The following CACNA2D1 variants were observed in gnomAD, a reference collection of about 807,000 sequenced individuals.
The protein encoded by CACNA2D1 is calcium voltage-gated channel auxiliary subunit alpha2delta 1.
In CACNA2D1, 53 loss-of-function variants were observed where a neutral mutation model predicts 171.5. The observed-to-expected ratio is 0.31, with a 90% CI of 0.25 to 0.39. The LOEUF (loss-of-function observed/expected upper bound fraction) is 0.39, where lower values mean the gene tolerates loss of function less well. Among genes scored for constraint, CACNA2D1 ranks in the 10% least tolerant of loss-of-function variants. The probability of loss-of-function intolerance (pLI) is 1.00; values close to 1 mark genes in which losing one functional copy is unlikely to be tolerated. For synonymous variants in CACNA2D1, 442 were observed against 443.1 expected (o/e 1.00, Z 0.03); for missense variants, 903 against 1,299.8 (o/e 0.69, Z 4.69).
chr7:81,981,094 T>C (rs148222316), intron 24 of CACNA2D1, among the ~76,000 whole-genome samples: 174 of 152,292 alleles, frequency 1.1e-3, no homozygotes, highest in African/African-American at 4.0e-3. Flanking sequence ...TCTCTAGATA[T>C]TTATGGCCAT....
At chr7:82,393,031 GAGGAAGGA>G (rs552898545) in intron 1 of CACNA2D1, among the ~76,000 whole-genome samples, 849 of 75,854 alleles carry the variant, frequency 0.011, 7 homozygotes, top group African/African-American at 0.031. Context: ...GACAGAGAGA[GAGGAAGGA>G]AGGAAGGAAG....
At chr7:82,060,201 T>TAATATATATATATAATATATATATAA (rs747843223) in intron 10 of CACNA2D1, among the ~76,000 whole-genome samples, 1 of 10,398 alleles carries the variant, frequency 9.6e-5, no homozygotes. Flanking sequence ...TATATATATA[T>TAATATATATATATAATATATATATAA]TATATATATA....
intron 3 of CACNA2D1, among the ~76,000 whole-genome samples, chr7:82,295,631 C>T (rs976506938): frequency 4.0e-5 from 6 of 151,802 alleles, no homozygotes; most frequent in African/African-American, 1.2e-4. Context: ...GTTGAGATTA[C>T]TCAGCCTCCC....
rs78766700 is a variant in CACNA2D1 at position 82,160,662 on chromosome 7, C to T, written c.354+9888G>A. 3.0e-3 allele frequency among the ~76,000 whole-genome samples: 460 copies of T among 152,038 alleles called. 3 individuals are homozygous for T. In the East Asian group the frequency reaches 0.036, roughly 12 times the overall value. On this transcript the variant is annotated intron_variant, in intron 4 of 38. Transcript: ENST00000356860. ...TTTTTAATTGTAGACCTTGTAGAGA[C>T]AAGGTCTCCTTACGTGGCCCAGGCT...
Position 82,264,420 on chromosome 7 carries a change from G to A in CACNA2D1, c.294+70715C>T, listed in dbSNP as rs73705897. ...GCTTGTAAATGTAAATGGTCACAAT[G>A]TTTTATATATTTTTCTTTTAAAAGC... On this transcript the variant is annotated intron_variant, in intron 3 of 38. Transcript: ENST00000356860. 6.8e-3 allele frequency among the ~76,000 whole-genome samples: 1,036 copies of A among 152,026 alleles called. 6 individuals are homozygous for A. Among genetic ancestry groups the A allele is most frequent in the African/African-American group, 0.023 (947 of 41,482 alleles).
intron 1 of CACNA2D1, among the ~76,000 whole-genome samples, chr7:82,398,972 CTTTT>C (rs1826047329): frequency 6.6e-6 from 1 of 150,794 alleles, no homozygotes; most frequent in Non-Finnish European, 1.5e-5. Flanking sequence ...TTCATTCTTT[CTTTT>C]AATTATAAGC....
chr7:82,375,674 T>A (rs930006692), intron 1 of CACNA2D1, among the ~76,000 whole-genome samples: 1 of 152,238 alleles, frequency 6.6e-6, no homozygotes, highest in Admixed American at 6.5e-5. Flanking sequence ...TGTGTGTATT[T>A]TCTCCTCCAT....
chr7:82,065,757 C>T (rs921125316), intron 8 of CACNA2D1, among the ~76,000 whole-genome samples: 17 of 152,106 alleles, frequency 1.1e-4, no homozygotes, highest in Non-Finnish European at 5.9e-5. Flanking sequence ...TGTGTCTTTT[C>T]TCATGAATAT....
chr7:82,195,412 G>A (rs879707755), intron 3 of CACNA2D1, among the ~76,000 whole-genome samples: 4 of 152,000 alleles, frequency 2.6e-5, no homozygotes, highest in Non-Finnish European at 5.9e-5. Flanking sequence ...GAGGTCCAAA[G>A]TATATTGATA....
At chr7:82,031,483 C>T (rs1408442074) in intron 12 of CACNA2D1, among the ~76,000 whole-genome samples, 1 of 151,844 alleles carries the variant, frequency 6.6e-6, no homozygotes, top group African/African-American at 2.4e-5. Flanking sequence ...AAAAGTGGTT[C>T]CTCTATGCTA....
chr7:81,955,203 C>T (rs73375718), intron 38 of CACNA2D1, among the ~76,000 whole-genome samples: 2,753 of 152,120 alleles, frequency 0.018, 83 homozygotes, highest in African/African-American at 0.064. Flanking sequence ...AATCTATATC[C>T]TTCCGGACTC....
chr7:82,292,341 C>A (rs1051985869), intron 3 of CACNA2D1, among the ~76,000 whole-genome samples: 10 of 152,176 alleles, frequency 6.6e-5, no homozygotes, highest in African/African-American at 2.4e-4. Flanking sequence ...TTGCTTGCTG[C>A]TCTGCTGACA....
chr7:82,195,355 G>A (rs1585065279), intron 3 of CACNA2D1, among the ~76,000 whole-genome samples: 1 of 151,848 alleles, frequency 6.6e-6, no homozygotes, highest in Non-Finnish European at 1.5e-5. Context: ...CATTGAAAAG[G>A]TGATTCCAAA....
At chr7:82,232,971 A>C (rs918338175) in intron 3 of CACNA2D1, among the ~76,000 whole-genome samples, 4 of 151,632 alleles carry the variant, frequency 2.6e-5, no homozygotes, top group African/African-American at 9.7e-5. Flanking sequence ...ATACATAAAA[A>C]ATTAATAAAC....
At chr7:81,960,989 C>T (rs191896885) in intron 36 of CACNA2D1, among the ~76,000 whole-genome samples, 12 of 152,040 alleles carry the variant, frequency 7.9e-5, no homozygotes, top group Non-Finnish European at 1.3e-4. Context: ...ATACTGACCA[C>T]GTCTCCTAAA....
chr7:81,968,796 G>A (rs1794968711), intron 29 of CACNA2D1, 91 bp downstream of exon 29: 2 of 776,278 alleles, frequency 2.6e-6, no homozygotes, highest in South Asian at 1.4e-5. Context: ...ACCTTTTGAT[G>A]ACCTTCTTGA....
At chr7:82,055,787 T>C in intron 10 of CACNA2D1, among the ~76,000 whole-genome samples, 1 of 123,440 alleles carries the variant, frequency 8.1e-6, no homozygotes, top group South Asian at 3.2e-4. Flanking sequence ...GGGGGAGGGA[T>C]AGCATTAGGA....
chr7:82,159,114 C>T (rs1314167701), intron 4 of CACNA2D1, among the ~76,000 whole-genome samples: 1 of 151,866 alleles, frequency 6.6e-6, no homozygotes, highest in African/African-American at 2.4e-5. Context: ...CATATATTTT[C>T]AGGAACACTT....
At chr7:82,255,987 G>A (rs1335872931) in intron 3 of CACNA2D1, among the ~76,000 whole-genome samples, 1 of 152,058 alleles carries the variant, frequency 6.6e-6, no homozygotes, top group Non-Finnish European at 1.5e-5. Flanking sequence ...ACTAAAGTTT[G>A]ACTATCAGGC....
Sources: gnomAD v4.1 joint callset for allele counts (sites outside exome capture counted in the v4.1 genomes callset) on GRCh38, gnomAD v4.1.1 for gene constraint, MANE v1.5 for transcripts, NCBI Gene and HGNC (gene_info 2026-07-23, HGNC 2026-07-21) for gene names.